PSMB2: variants seen among roughly 807,000 people sequenced by gnomAD.
PSMB2 encodes the protein proteasome 20S subunit beta 2, also known as proteasome subunit beta type-2.
In PSMB2, 13 loss-of-function variants were observed where a neutral mutation model predicts 25.7. The observed-to-expected ratio is 0.51, with a 90% CI of 0.33 to 0.80. The LOEUF is 0.80. Ranked by LOEUF, PSMB2 falls within the 30% of genes least tolerant of loss-of-function variation. PSMB2 has a pLI of 0.02. For missense variants in PSMB2, 202 were observed against 259.0 expected, an observed-to-expected ratio of 0.78 and a Z score of 1.51; for synonymous variants, 87 against 96.2, an observed-to-expected ratio of 0.90 and a Z score of 0.56.
At chr1:35,624,053 A>G (rs1448527802) in intron 3 of PSMB2, among the ~76,000 whole-genome samples, 1 of 152,228 alleles carries the variant, frequency 6.6e-6, no homozygotes, top group Non-Finnish European at 1.5e-5. Context: ...CATGCCTACT[A>G]CTAACCAGAC....
chr1:35,636,967 A>G (rs1163493269), intron 1 of PSMB2, among the ~76,000 whole-genome samples: 1 of 152,212 alleles, frequency 6.6e-6, no homozygotes, highest in Non-Finnish European at 1.5e-5. Context: ...CCATCAGCAT[A>G]TTGTGTAATG....
intron 5 of PSMB2, among the ~76,000 whole-genome samples, chr1:35,604,312 TC>T (rs941381389): frequency 3.9e-5 from 6 of 152,156 alleles, no homozygotes; most frequent in African/African-American, 1.4e-4. Context: ...TGTAATCCTG[TC>T]CTCGCAAGCC....
chr1:35,624,686 G>A (rs954201077), intron 3 of PSMB2, among the ~76,000 whole-genome samples: 2 of 152,048 alleles, frequency 1.3e-5, no homozygotes, highest in Admixed American at 1.3e-4. Context: ...CCAGGAGGCA[G>A]AGGTTGCAGT....
At chr1:35,634,837 G>A (rs1032335841) in intron 2 of PSMB2, among the ~76,000 whole-genome samples, 25 of 150,964 alleles carry the variant, frequency 1.7e-4, no homozygotes, top group Admixed American at 1.5e-3. Context: ...CTGCCTTCCA[G>A]AGTACAGTGG....
At position 35,620,804 on chromosome 1, in the gene PSMB2, A is replaced by G. The variant is rs1237352137; in HGVS notation, c.285+10470T>C. Reference sequence around the variant, plus strand: ...CTTGGCCTCCCGAGTACCTAGGACTACAGACACCTGTCACCATGCCCAGCT... The same window carrying G: ...CTTGGCCTCCCGAGTACCTAGGACTGCAGACACCTGTCACCATGCCCAGCT... On this transcript the variant is annotated intron_variant, in intron 3 of 5. Transcript: ENST00000373237. Among the ~76,000 whole-genome samples, 7 of 151,614 alleles carry G rather than the reference A, an allele frequency of 4.6e-5. No homozygotes were observed. The South Asian group carries it at 1.5e-3, about 32-fold the overall frequency.
chr1:35,620,011 C>T (rs914893497), intron 3 of PSMB2, among the ~76,000 whole-genome samples: 3 of 152,038 alleles, frequency 2.0e-5, no homozygotes, highest in South Asian at 4.2e-4. Context: ...TTCCATATAC[C>T]GTTAAGTCAG....
At chr1:35,635,512 C>T (rs930165971) in intron 2 of PSMB2, among the ~76,000 whole-genome samples, 1 of 151,874 alleles carries the variant, frequency 6.6e-6, no homozygotes, top group African/African-American at 2.4e-5. Flanking sequence ...AGGGTCTAGA[C>T]AACTTCTTAA....
At chr1:35,607,969 T>C (rs79967952) in intron 4 of PSMB2, among the ~76,000 whole-genome samples, 300 of 152,318 alleles carry the variant, frequency 2.0e-3, no homozygotes, top group African/African-American at 7.0e-3. Flanking sequence ...TTCTCACTCA[T>C]ATGTAGAAGC....
intron 3 of PSMB2, among the ~76,000 whole-genome samples, chr1:35,629,897 G>A (rs1052558707): frequency 2.0e-5 from 3 of 152,070 alleles, no homozygotes; most frequent in Non-Finnish European, 2.9e-5. Flanking sequence ...GGCCAGGTGC[G>A]GTGGCTCGCG....
chr1:35,606,132 C>T (rs1158475925), intron 4 of PSMB2, among the ~76,000 whole-genome samples: 2 of 152,144 alleles, frequency 1.3e-5, no homozygotes, highest in Admixed American at 6.5e-5. Context: ...AGGCTAAAGT[C>T]GAGGTTAGGA....
At chr1:35,606,972 A>C (rs544087093) in intron 4 of PSMB2, among the ~76,000 whole-genome samples, 30 of 152,306 alleles carry the variant, frequency 2.0e-4, no homozygotes, top group African/African-American at 7.2e-4. Flanking sequence ...TCTTCAATAA[A>C]TGGTGCTAGA....
Position 35,599,542 on chromosome 1 carries a change from T to G in PSMB2, c.*3725A>C, listed in dbSNP as rs1469957622. 3.1e-6 allele frequency: 3 copies of G among 981,684 alleles called. No individual in the cohort carries two copies. The highest frequency in any genetic ancestry group is 3.6e-6 in the Non-Finnish European group (3 of 826,678). 60.8% of individuals were successfully genotyped at this position (981,684 alleles called of 1,614,324 possible). A position where few individuals can be genotyped will look rare whatever the true frequency, so the allele number is the denominator to read the frequency against. On this transcript the variant is annotated 3_prime_UTR_variant, in exon 6 of 6. Transcript: ENST00000373237. ...GAGTGAATGACGAGGCCATGTAAATTTAGTTGGAACACAGGCTTTATGAGG... is the reference window on the plus strand; with the variant it reads ...GAGTGAATGACGAGGCCATGTAAATGTAGTTGGAACACAGGCTTTATGAGG...
At chr1:35,625,941 A>G (rs1189368947) in intron 3 of PSMB2, among the ~76,000 whole-genome samples, 2 of 151,678 alleles carry the variant, frequency 1.3e-5, no homozygotes, top group South Asian at 2.1e-4. Context: ...GGTTCAAGCT[A>G]TTCTCCTGCG....
intron 2 of PSMB2, among the ~76,000 whole-genome samples, chr1:35,635,351 C>G (rs1209299381): frequency 1.3e-5 from 2 of 151,726 alleles, no homozygotes; most frequent in Admixed American, 1.3e-4. Flanking sequence ...AAGTGATCCT[C>G]CCACCTTGTC....
At chr1:35,627,803 A>G (rs1162749784) in intron 3 of PSMB2, among the ~76,000 whole-genome samples, 1 of 152,222 alleles carries the variant, frequency 6.6e-6, no homozygotes, top group Non-Finnish European at 1.5e-5. Flanking sequence ...GTCCAATTCC[A>G]GAGACTATGC....
intron 3 of PSMB2, among the ~76,000 whole-genome samples, chr1:35,622,256 C>T (rs1468637108): frequency 2.6e-5 from 4 of 152,172 alleles, no homozygotes. Context: ...CACCAAGATG[C>T]CAGGATATTG....
intron 2 of PSMB2, chr1:35,631,680 AAAAG>A (rs1051839364): frequency 9.1e-6 from 2 of 220,832 alleles, no homozygotes; most frequent in African/African-American, 4.6e-5. Flanking sequence ...AAGTGAAAAA[AAAAG>A]AAAGGCGTCT....
rs569466418 is a variant in PSMB2 at position 35,618,497 on chromosome 1, T to A, written c.286-9089A>T. Among the ~76,000 whole-genome samples the A allele has an allele frequency of 6.0e-4, 90 of 149,118 alleles. No individual in the cohort carries two copies. In the South Asian group the frequency reaches 0.018, roughly 30 times the overall value. On this transcript the variant is annotated intron_variant, in intron 3 of 5. Transcript: ENST00000373237. ...CGGGACACTATGGCAAAGGTATACCTAAGTTGCCATAAGAAATTGAGGGTG... is the reference window on the plus strand; with the variant it reads ...CGGGACACTATGGCAAAGGTATACCAAAGTTGCCATAAGAAATTGAGGGTG...
intron 2 of PSMB2, among the ~76,000 whole-genome samples, chr1:35,631,850 CA>C (rs1651112535): frequency 6.6e-6 from 1 of 151,964 alleles, no homozygotes; most frequent in Admixed American, 6.6e-5. Flanking sequence ...GTGAGACCCC[CA>C]TCTCTAAAAA....
Sources: allele counts gnomAD v4.1 joint callset (sites outside exome capture counted in the v4.1 genomes callset), GRCh38; gene constraint gnomAD v4.1.1; transcripts MANE v1.5; gene names NCBI Gene and HGNC (gene_info 2026-07-23, HGNC 2026-07-21).